Variants in ARHGAP29 observed in about 807,000 individuals in gnomAD.
ARHGAP29 encodes rho GTPase-activating protein 29.
A neutral mutation model predicts 122.6 loss-of-function variants in ARHGAP29; 43 were observed. That is an observed-to-expected ratio of 0.35 (90% CI 0.27 to 0.45). The LOEUF (loss-of-function observed/expected upper bound fraction) is 0.45. ARHGAP29 is among the 20% of genes least tolerant of loss of function. The probability of loss-of-function intolerance (pLI) is 1.00; values close to 1 mark genes in which losing one functional copy is unlikely to be tolerated. For missense variants in ARHGAP29, 1,303 were observed against 1,477.2 expected (o/e 0.88, Z 1.93); for synonymous variants, 506 against 497.1 (o/e 1.02, Z -0.24).
chr1:94,237,346 C>A (rs1482977735), intron 1 of ARHGAP29, 69 bp downstream of exon 1: 19 of 967,918 alleles, frequency 2.0e-5, no homozygotes, highest in South Asian at 4.8e-5. Flanking sequence ...CGCGGGCGCT[C>A]GCGCGGGCAA....
chr1:94,289,128 A>G, the ARHGAP29 span, among the ~76,000 whole-genome samples: 1 of 152,174 alleles, frequency 6.6e-6, no homozygotes, highest in African/African-American at 2.4e-5. Flanking sequence ...TGAGTATGGA[A>G]TGTTCTTCCA....
intron 15 of ARHGAP29, among the ~76,000 whole-genome samples, chr1:94,187,300 T>C (rs550911992): frequency 1.3e-5 from 2 of 152,298 alleles, no homozygotes; most frequent in African/African-American, 2.4e-5. Context: ...ACGTTTCAAA[T>C]TCAGAGTTAG....
In ARHGAP29 at chr1:94,178,107, T is replaced by C. The variant is rs777893698; in HGVS notation, c.2541A>G (p.Gly847=). The change falls in exon 21 of 23, where the codon GGA becomes GGG. Residue 847 remains glycine, a synonymous_variant. Transcript: ENST00000260526. Reference sequence around the variant, plus strand: ...TGGGCCTTGGCCTAATGAGACTTGGTCCAAATATCACCCCCAAGTTTTTGG... The same window carrying C: ...TGGGCCTTGGCCTAATGAGACTTGGCCCAAATATCACCCCCAAGTTTTTGG... ...MNSKNLGVIF[G]PSLIRPRPTT... 5 of 1,614,116 alleles carry C rather than the reference T, an allele frequency of 3.1e-6. No individual in the cohort carries two copies. The highest frequency in any genetic ancestry group is 4.2e-6 in the Non-Finnish European group (5 of 1,179,998).
chr1:94,243,925 C>T (rs1653697355), intron 1 of ARHGAP29, among the ~76,000 whole-genome samples: 1 of 147,174 alleles, frequency 6.8e-6, no homozygotes, highest in African/African-American at 2.5e-5. Context: ...CTTAACAACT[C>T]AGATGAAATG....
intron 1 of ARHGAP29, among the ~76,000 whole-genome samples, chr1:94,254,205 T>G (rs925783870): frequency 9.2e-5 from 14 of 152,352 alleles, no homozygotes; most frequent in African/African-American, 2.6e-4. Context: ...TGATTGTCAC[T>G]GATGGATTGA....
At chr1:94,288,151 C>T in the ARHGAP29 span, among the ~76,000 whole-genome samples, 4 of 152,180 alleles carry the variant, frequency 2.6e-5, no homozygotes, top group African/African-American at 7.2e-5. Context: ...CATCCTCTCT[C>T]GCATCTGTTG....
upstream of ARHGAP29, among the ~76,000 whole-genome samples, chr1:94,241,632 TTATATATAATTATATATATATCTTA>T (rs1231816103): frequency 2.4e-5 from 3 of 126,804 alleles, 1 homozygote; most frequent in East Asian, 2.2e-4. Context: ...AATAGTAATT[TTATATATAATTATATATATATCTTA>T]TATATATAAT....
the ARHGAP29 span, among the ~76,000 whole-genome samples, chr1:94,282,922 G>A: frequency 5.9e-5 from 9 of 152,216 alleles, no homozygotes; most frequent in Non-Finnish European, 2.9e-5. Flanking sequence ...GTTCAAATTA[G>A]TGTTTCTCCC....
At chr1:94,232,712 A>C (rs1269004523) in intron 1 of ARHGAP29, among the ~76,000 whole-genome samples, 1 of 152,202 alleles carries the variant, frequency 6.6e-6, no homozygotes, top group East Asian at 1.9e-4. Flanking sequence ...AGAAAATCAT[A>C]GTTATTTTCT....
chr1:94,211,621 T>C (rs144958109), intron 3 of ARHGAP29, among the ~76,000 whole-genome samples: 174 of 152,332 alleles, frequency 1.1e-3, no homozygotes, highest in African/African-American at 4.0e-3. Flanking sequence ...CAAGTCTTGA[T>C]GAGTTTAAAA....
chr1:94,209,053 T>A, intron 4 of ARHGAP29, 149 bp from the exon 5 acceptor site: 1 of 826,734 alleles, frequency 1.2e-6, no homozygotes, highest in Non-Finnish European at 1.9e-6. Flanking sequence ...CCACAGTCAC[T>A]TGCAAATGGA....
rs567010882 is a variant in ARHGAP29, at chr1:94,172,822, C to T, written c.*1047G>A. 1 of 152,438 alleles carries T rather than the reference C, an allele frequency of 6.6e-6. No individual in the cohort carries two copies. Among genetic ancestry groups the T allele is most frequent in the South Asian group, 2.1e-4 (1 of 4,814 alleles). 9.4% of individuals were successfully genotyped at this position (152,438 alleles called of 1,614,324 possible). On this transcript the variant is annotated 3_prime_UTR_variant, in exon 23 of 23. Coordinates refer to ENST00000260526, the MANE Select transcript of ARHGAP29 (RefSeq NM_004815.4). ...ATGAAACAGATCCGATCACCTATAC[C>T]TTCTCTCAAATTCCAAATAATGAGG...
chr1:94,278,605 C>T (rs1409502786), upstream of ARHGAP29, among the ~76,000 whole-genome samples: 3 of 152,156 alleles, frequency 2.0e-5, no homozygotes, highest in Non-Finnish European at 4.4e-5. Context: ...GTGTTTCTCA[C>T]CACATCTAGG....
intron 1 of ARHGAP29, among the ~76,000 whole-genome samples, chr1:94,273,040 T>G (rs1176667469): frequency 1.3e-5 from 2 of 152,256 alleles, no homozygotes; most frequent in South Asian, 2.1e-4. Flanking sequence ...TAACAAACAC[T>G]GTGAATTCTT....
intron 8 of ARHGAP29, 46 bp downstream of exon 8, chr1:94,203,884 G>A (rs1180194781): frequency 6.5e-7 from 1 of 1,531,090 alleles, no homozygotes; most frequent in Non-Finnish European, 9.0e-7. Flanking sequence ...GGGAGTTCAT[G>A]AGTAGTTTCT....
upstream of ARHGAP29, among the ~76,000 whole-genome samples, chr1:94,276,407 A>C (rs1052745850): frequency 6.6e-6 from 1 of 151,934 alleles, no homozygotes; most frequent in Non-Finnish European, 1.5e-5. Flanking sequence ...ATATTAAGCT[A>C]TCATTGTTCA....
At chr1:94,286,050 T>G in the ARHGAP29 span, among the ~76,000 whole-genome samples, 1 of 152,160 alleles carries the variant, frequency 6.6e-6, no homozygotes, top group African/African-American at 2.4e-5. Flanking sequence ...TATTATGTAC[T>G]GAGTAGCTTA....
In ARHGAP29 at chr1:94,209,791, A is replaced by G. The variant is rs1459760775; in HGVS notation, c.341-441T>C. On this transcript the variant is annotated intron_variant, in intron 3 of 22. Transcript: ENST00000260526. ...TGAGGTACATTTTTTAGTATGAATT[A>G]CCAATAATTAAAGTCATATATATAT... 3.5e-5 allele frequency among the ~76,000 whole-genome samples: 4 copies of G among 114,350 alleles called. No individual in the cohort carries two copies. In the East Asian group the frequency reaches 1.0e-3, roughly 29 times the overall value. 75.0% of individuals were successfully genotyped at this position (114,350 alleles called of 152,430 possible).
chr1:94,174,519 T>TG lies in ARHGAP29; in HGVS notation c.3135dup (p.Lys1046GlnfsTer9). 1 of 1,614,222 alleles carries TG rather than the reference T, an allele frequency of 6.2e-7. No homozygotes were observed. On this transcript the variant is annotated frameshift_variant, in exon 23 of 23. Coordinates refer to ENST00000260526, the MANE Select transcript of ARHGAP29 (RefSeq NM_004815.4). LOFTEE classifies it low-confidence loss of function (END_TRUNC). ...TCAAAGGCAGGATTCTTGCAAAACT[T>TG]GTCTAAATTTACATTTCCCATATTT...
Sources: gnomAD v4.1 joint callset for allele counts (sites outside exome capture counted in the v4.1 genomes callset) on GRCh38, gnomAD v4.1.1 for gene constraint, MANE v1.5 for transcripts, NCBI Gene and HGNC (gene_info 2026-07-23, HGNC 2026-07-21) for gene names.